The following DCC variants were observed in gnomAD, a reference collection of about 807,000 sequenced individuals.
DCC encodes the protein netrin receptor DCC.
In DCC, 58 loss-of-function variants were observed where a neutral mutation model predicts 172.5. The ratio of observed to expected loss-of-function variants is 0.34; its 90% CI spans 0.27 to 0.42. DCC has a LOEUF of 0.42. Ranked by LOEUF, DCC falls within the 10% of genes least tolerant of loss-of-function variation. DCC has a pLI of 1.00. For missense variants in DCC, 1,740 were observed against 1,791.0 expected, an observed-to-expected ratio of 0.97 and a Z score of 0.51; for synonymous variants, 709 against 644.5, an observed-to-expected ratio of 1.10 and a Z score of -1.52.
chr18:53,397,400 G>A lies in DCC; in HGVS notation c.2781G>A (p.Arg927=), dbSNP rs1368088754. The part of the protein sequence containing the change: ...EFSVMVTKNR[R]SSTWSMTAHA... The stretch of plus-strand genomic sequence containing the variant: ...CGGTCATGGTAACAAAAAACAGAAG[G>A]TCCAGTACTTGGAGCATGACTGCAC... The change falls in exon 18 of 29, where the codon AGG becomes AGA. Residue 927 remains arginine (R), a synonymous_variant. Coordinates refer to ENST00000442544, the MANE Select transcript of DCC (RefSeq NM_005215.4). The A allele has an allele frequency of 1.9e-6, 3 of 1,613,820 alleles. No individual in the cohort carries two copies. Among genetic ancestry groups the A allele is most frequent in the Admixed American group, 1.7e-5 (1 of 59,984 alleles).
At chr18:53,467,839 G>T in intron 24 of DCC, 55 bp from the exon 25 acceptor site, 1 of 896,234 alleles carries the variant, frequency 1.1e-6, no homozygotes, top group South Asian at 1.3e-5. Context: ...TAGAAATTAG[G>T]TAAAGTGTTG....
intron 1 of DCC, among the ~76,000 whole-genome samples, chr18:52,510,749 C>T (rs1261055101): frequency 2.0e-5 from 3 of 152,078 alleles, no homozygotes; most frequent in Non-Finnish European, 2.9e-5. Flanking sequence ...GAAATATCAT[C>T]GGTCTTCCCT....
intron 13 of DCC, 84 bp from the exon 14 acceptor site, chr18:53,321,963 A>G (rs977941801): frequency 1.3e-6 from 1 of 794,286 alleles, no homozygotes. Flanking sequence ...TATTGTTACA[A>G]TTTTGCTGAA....
At chr18:52,825,531 A>G (rs1421920291) in intron 2 of DCC, among the ~76,000 whole-genome samples, 2 of 152,184 alleles carry the variant, frequency 1.3e-5, no homozygotes, top group Admixed American at 1.3e-4. Flanking sequence ...ATTATAGTAT[A>G]TAATGGAAAT....
intron 1 of DCC, among the ~76,000 whole-genome samples, chr18:52,378,481 G>C (rs41453847): frequency 0.01 from 1,544 of 152,012 alleles, 19 homozygotes; most frequent in South Asian, 0.021. Flanking sequence ...TACACTTCAG[G>C]GAGTATAATC....
At chr18:52,747,756 G>A (rs953695117) in intron 1 of DCC, among the ~76,000 whole-genome samples, 1 of 152,108 alleles carries the variant, frequency 6.6e-6, no homozygotes, top group Non-Finnish European at 1.5e-5. Flanking sequence ...ATACTGGTGG[G>A]CAAAATCTCT....
At chr18:52,455,162 G>C (rs994784290) in intron 1 of DCC, among the ~76,000 whole-genome samples, 3 of 152,128 alleles carry the variant, frequency 2.0e-5, no homozygotes, top group Non-Finnish European at 4.4e-5. Flanking sequence ...CACAGATTTA[G>C]AGATAATTCT....
At position 53,319,820 on chromosome 18, in the gene DCC, A is replaced by C. The variant is rs370132098; in HGVS notation, c.2054-2227A>C. Among the ~76,000 whole-genome samples the C allele has an allele frequency of 6.6e-5, 10 of 152,176 alleles. No individual in the cohort carries two copies. In the East Asian group the frequency reaches 1.7e-3, roughly 27 times the overall value. ...TATCTGAATGAATCTGGGCCATCCA[A>C]ATAGATTACGGCAATATCTCTTAGT... On this transcript the variant is annotated intron_variant, in intron 13 of 28. Transcript: ENST00000442544.
At chr18:52,812,248 TTA>T (rs1232483805) in intron 2 of DCC, among the ~76,000 whole-genome samples, 5 of 152,246 alleles carry the variant, frequency 3.3e-5, no homozygotes, top group African/African-American at 1.2e-4. Context: ...GTTTTATATT[TTA>T]TGTGTGTTTC....
chr18:52,949,111 A>G (rs2040595440), intron 5 of DCC, among the ~76,000 whole-genome samples: 1 of 152,346 alleles, frequency 6.6e-6, no homozygotes, highest in Non-Finnish European at 1.5e-5. Context: ...ACTGTGATTA[A>G]TAGTCCCTGC....
intron 1 of DCC, among the ~76,000 whole-genome samples, chr18:52,658,092 T>G (rs2144940703): frequency 6.6e-6 from 1 of 152,342 alleles, no homozygotes; most frequent in South Asian, 2.1e-4. Flanking sequence ...CACCATTGAC[T>G]TCCTATGTTT....
intron 9 of DCC, among the ~76,000 whole-genome samples, chr18:53,179,872 A>G (rs1353151273): frequency 6.6e-6 from 1 of 152,148 alleles, no homozygotes; most frequent in East Asian, 1.9e-4. Context: ...TTCGCATTAA[A>G]AAACGATTGG....
intron 1 of DCC, among the ~76,000 whole-genome samples, chr18:52,592,125 T>C (rs891547225): frequency 2.6e-5 from 4 of 152,200 alleles, no homozygotes; most frequent in African/African-American, 9.6e-5. Context: ...GCCATTATTT[T>C]AAACTACAGC....
intron 5 of DCC, among the ~76,000 whole-genome samples, chr18:52,993,905 T>A (rs970411321): frequency 2.0e-5 from 3 of 152,130 alleles, no homozygotes; most frequent in South Asian, 2.1e-4. Context: ...TAAGGAGTTT[T>A]CTTAGAATTA....
At chr18:53,317,741 T>A (rs1346151087) in intron 13 of DCC, among the ~76,000 whole-genome samples, 1 of 152,200 alleles carries the variant, frequency 6.6e-6, no homozygotes, top group Non-Finnish European at 1.5e-5. Flanking sequence ...AATTTATCCA[T>A]TTCTTCTAGA....
intron 2 of DCC, among the ~76,000 whole-genome samples, chr18:52,769,213 T>C (rs1702420314): frequency 6.6e-6 from 1 of 152,220 alleles, no homozygotes; most frequent in Non-Finnish European, 1.5e-5. Context: ...AATGACAGTT[T>C]GTTGCTCCAC....
At chr18:53,245,586 T>C (rs866128290) in intron 12 of DCC, among the ~76,000 whole-genome samples, 6 of 152,058 alleles carry the variant, frequency 3.9e-5, no homozygotes, top group Non-Finnish European at 7.4e-5. Flanking sequence ...GATATGTCGG[T>C]TTACAGTTCA....
chr18:53,310,682 A>T (rs1479051900), intron 13 of DCC, among the ~76,000 whole-genome samples: 1 of 152,170 alleles, frequency 6.6e-6, no homozygotes, highest in African/African-American at 2.4e-5. Flanking sequence ...TGGTCAATAT[A>T]TAATAAACAT....
At chr18:52,985,191 C>T (rs541159345) in intron 5 of DCC, among the ~76,000 whole-genome samples, 10 of 151,958 alleles carry the variant, frequency 6.6e-5, no homozygotes, top group Non-Finnish European at 1.2e-4. Flanking sequence ...CTGTTTTTCT[C>T]TCTGTCTGCT....
Sources: allele counts gnomAD v4.1 joint callset (sites outside exome capture counted in the v4.1 genomes callset), GRCh38; gene constraint gnomAD v4.1.1; transcripts MANE v1.5; gene names NCBI Gene and HGNC (gene_info 2026-07-23, HGNC 2026-07-21).